The following STK3 variants were observed in gnomAD, a reference collection of about 807,000 sequenced individuals.
STK3 encodes serine/threonine kinase 3, also known as serine/threonine-protein kinase 3.
A neutral mutation model predicts 58.0 loss-of-function variants in STK3; 41 were observed. That is an observed-to-expected ratio of 0.71 (90% confidence interval 0.55 to 0.92). The LOEUF is 0.92. STK3 is among the 40% of genes least tolerant of loss of function. The pLI is 0.00. For synonymous variants in STK3, 170 were observed against 191.0 expected (o/e 0.89, Z 0.91); for missense variants, 479 against 602.7 (o/e 0.79, Z 2.15).
chr8:98,503,708 A>G (rs1488732378), intron 10 of STK3, among the ~76,000 whole-genome samples: 1 of 152,048 alleles, frequency 6.6e-6, no homozygotes, highest in Non-Finnish European at 1.5e-5. Context: ...GTAGTTGTGC[A>G]GTTTTGAGTG....
At chr8:98,555,454 A>G (rs1355484576) in intron 8 of STK3, among the ~76,000 whole-genome samples, 2 of 152,140 alleles carry the variant, frequency 1.3e-5, no homozygotes, top group Admixed American at 1.3e-4. Context: ...AGACAGTTAG[A>G]CTACTCCTTA....
intron 6 of STK3, among the ~76,000 whole-genome samples, chr8:98,608,361 C>T (rs537250801): frequency 5.3e-5 from 8 of 152,024 alleles, no homozygotes; most frequent in Non-Finnish European, 8.8e-5. Flanking sequence ...AAAAGGACTG[C>T]TCAGGCCAAA....
intron 9 of STK3, among the ~76,000 whole-genome samples, chr8:98,541,571 C>T (rs1447075563): frequency 6.6e-6 from 1 of 152,144 alleles, no homozygotes; most frequent in Non-Finnish European, 1.5e-5. Flanking sequence ...TTAATACAAT[C>T]TCTGACTTAA....
intron 10 of STK3, among the ~76,000 whole-genome samples, chr8:98,480,393 T>C (rs571594898): frequency 5.9e-5 from 9 of 152,140 alleles, no homozygotes; most frequent in Non-Finnish European, 1.3e-4. Context: ...TATTTTAAAC[T>C]TTCTGAGATA....
intron 4 of STK3, among the ~76,000 whole-genome samples, chr8:98,728,903 T>C (rs1345100974): frequency 6.6e-6 from 1 of 152,200 alleles, no homozygotes; most frequent in African/African-American, 2.4e-5. Flanking sequence ...AAACTTGATA[T>C]GCCCTTACCA....
chr8:98,656,146 T>C (rs1042871318), intron 6 of STK3, among the ~76,000 whole-genome samples: 42 of 152,198 alleles, frequency 2.8e-4, no homozygotes, highest in Non-Finnish European at 8.8e-5. Context: ...CATGGAATGA[T>C]ATGCAGCCAT....
In STK3 at chr8:98,707,765, C is replaced by T. The variant is rs142582326; in HGVS notation, c.352-454G>A. ...GGAAAATGCTAAAGGGGTAAATAAT[C>T]GAGAACCTCTTCTTCCCACAATAAG... On this transcript the variant is annotated intron_variant, in intron 4 of 10. Transcript: ENST00000419617. Among the ~76,000 whole-genome samples the T allele has an allele frequency of 2.0e-3, 298 of 152,054 alleles. 1 individual carries two copies. The highest frequency in any genetic ancestry group is 6.4e-3 in the African/African-American group (266 of 41,454).
At chr8:98,461,993 C>A (rs2131171078) in intron 10 of STK3, among the ~76,000 whole-genome samples, 2 of 151,870 alleles carry the variant, frequency 1.3e-5, no homozygotes, top group South Asian at 2.1e-4. Flanking sequence ...ATACCGGGTA[C>A]CTGAAATGTT....
At chr8:98,477,717 T>TGGGGG (rs1563642954) in intron 10 of STK3, among the ~76,000 whole-genome samples, 3 of 6,040 alleles carry the variant, frequency 5.0e-4, no homozygotes, top group Non-Finnish European at 5.6e-4. Flanking sequence ...GGGGGGGGGG[T>TGGGGG]GGGCGGGGGG....
At chr8:98,558,588 C>T (rs1326342975) in intron 8 of STK3, among the ~76,000 whole-genome samples, 1 of 151,984 alleles carries the variant, frequency 6.6e-6, no homozygotes, top group Non-Finnish European at 1.5e-5. Flanking sequence ...TTCTAAATTG[C>T]TTTTATATGA....
chr8:98,759,145 G>A (rs1437328554), intron 3 of STK3, among the ~76,000 whole-genome samples: 4 of 152,182 alleles, frequency 2.6e-5, no homozygotes, highest in Non-Finnish European at 5.9e-5. Flanking sequence ...CTAGCTGTTT[G>A]GCACAAGAAC....
intron 10 of STK3, among the ~76,000 whole-genome samples, chr8:98,477,655 G>C (rs1821430836): frequency 7.2e-6 from 1 of 138,004 alleles, no homozygotes; most frequent in African/African-American, 2.7e-5. Flanking sequence ...CTGAAATTCT[G>C]TGGTATAAGG....
At chr8:98,367,469 C>A (rs576009903), downstream of STK3, among the ~76,000 whole-genome samples, 1 of 152,176 alleles carries the variant, frequency 6.6e-6, no homozygotes, top group Non-Finnish European at 1.5e-5. Flanking sequence ...GATAGGAAAC[C>A]CTTAGAAATC....
intron 3 of STK3, among the ~76,000 whole-genome samples, chr8:98,766,486 T>C (rs1323589155): frequency 3.3e-5 from 5 of 152,222 alleles, no homozygotes; most frequent in Non-Finnish European, 5.9e-5. Context: ...GCTGCAATCA[T>C]AGCTAACTGT....
intron 4 of STK3, among the ~76,000 whole-genome samples, chr8:98,737,885 T>C (rs1828748404): frequency 6.6e-6 from 1 of 152,086 alleles, no homozygotes; most frequent in East Asian, 1.9e-4. Context: ...TTTTTTTGTA[T>C]TTTTAGTAGA....
intron 1 of STK3, among the ~76,000 whole-genome samples, chr8:98,789,889 G>A (rs1032740796): frequency 3.9e-5 from 6 of 152,174 alleles, no homozygotes; most frequent in Middle Eastern, 3.4e-3. Flanking sequence ...GTAGCTGGGC[G>A]TGGTGGTAAG....
chr8:98,760,657 C>T (rs1830560628), intron 3 of STK3, among the ~76,000 whole-genome samples: 3 of 151,936 alleles, frequency 2.0e-5, no homozygotes, highest in Admixed American at 2.0e-4. Context: ...TAATTTTTTC[C>T]TTCCCCTATT....
chr8:98,563,976 C>T (rs892456724), intron 8 of STK3, among the ~76,000 whole-genome samples: 2 of 152,100 alleles, frequency 1.3e-5, no homozygotes, highest in Non-Finnish European at 2.9e-5. Context: ...TGTACTGTGA[C>T]TTCCTTCCAA....
At chr8:98,504,369 G>A (rs1823874642) in intron 10 of STK3, among the ~76,000 whole-genome samples, 1 of 152,094 alleles carries the variant, frequency 6.6e-6, no homozygotes, top group South Asian at 2.1e-4. Flanking sequence ...TCTTTTAATT[G>A]GGGCATTTAG....
Sources: gnomAD v4.1 joint callset for allele counts (sites outside exome capture counted in the v4.1 genomes callset) on GRCh38, gnomAD v4.1.1 for gene constraint, MANE v1.5 for transcripts, NCBI Gene and HGNC (gene_info 2026-07-23, HGNC 2026-07-21) for gene names.